The following TTLL11 variants were observed in gnomAD, a reference collection of about 807,000 sequenced individuals.
The protein encoded by TTLL11 is tubulin tyrosine ligase like 11, also known as tubulin polyglutamylase TTLL11.
A neutral mutation model predicts 51.7 loss-of-function variants in TTLL11; 42 were observed. The ratio of observed to expected loss-of-function variants is 0.81; its 90% CI spans 0.64 to 1.05. The LOEUF (loss-of-function observed/expected upper bound fraction) is 1.05, where lower values mean the gene tolerates loss of function less well. TTLL11 is among the 50% of genes least tolerant of loss of function. TTLL11 has a pLI of 0.00. For synonymous variants in TTLL11, 381 were observed against 383.5 expected, an observed-to-expected ratio of 0.99 and a Z score of 0.08; for missense variants, 799 against 940.4, an observed-to-expected ratio of 0.85 and a Z score of 1.97.
At chr9:121,902,969 CT>C (rs1419811245) in intron 6 of TTLL11, among the ~76,000 whole-genome samples, 1 of 152,144 alleles carries the variant, frequency 6.6e-6, no homozygotes, top group Non-Finnish European at 1.5e-5. Flanking sequence ...TCATCTACCC[CT>C]GGGACTCTTA....
intron 8 of TTLL11, among the ~76,000 whole-genome samples, chr9:121,840,478 C>T (rs893813568): frequency 6.6e-6 from 1 of 152,216 alleles, no homozygotes; most frequent in Admixed American, 6.5e-5. Context: ...TCACTGCAAC[C>T]TCTACCTACC....
chr9:122,060,611 A>C (rs1445799525), intron 1 of TTLL11, among the ~76,000 whole-genome samples: 2 of 152,194 alleles, frequency 1.3e-5, no homozygotes, highest in Admixed American at 1.3e-4. Flanking sequence ...AGAACACAGG[A>C]ATCAGATCTT....
chr9:121,997,844 C>CCGTCT (rs1284592224), intron 3 of TTLL11, among the ~76,000 whole-genome samples: 1 of 152,078 alleles, frequency 6.6e-6, no homozygotes, highest in African/African-American at 2.4e-5. Flanking sequence ...TGGCTGGGAC[C>CCGTCT]CGTCTCCTGA....
intron 1 of TTLL11, among the ~76,000 whole-genome samples, chr9:122,053,939 A>G (rs1406670935): frequency 6.6e-6 from 1 of 152,206 alleles, no homozygotes; most frequent in East Asian, 1.9e-4. Flanking sequence ...CCGGGAACAC[A>G]ATAATTACTC....
At chr9:122,087,245 T>C (rs1846149044) in intron 1 of TTLL11, among the ~76,000 whole-genome samples, 1 of 152,110 alleles carries the variant, frequency 6.6e-6, no homozygotes, top group Admixed American at 6.6e-5. Flanking sequence ...AGTCTCACTC[T>C]GTTATCCCAG....
chr9:121,881,450 T>A (rs1478143461), intron 6 of TTLL11, among the ~76,000 whole-genome samples: 3 of 152,212 alleles, frequency 2.0e-5, no homozygotes, highest in Non-Finnish European at 2.9e-5. Context: ...CGTAGGCATA[T>A]CCCAGGTCAG....
At chr9:121,919,869 A>G (rs1711713260) in intron 6 of TTLL11, among the ~76,000 whole-genome samples, 1 of 151,158 alleles carries the variant, frequency 6.6e-6, no homozygotes, top group African/African-American at 2.4e-5. Context: ...AAAAAAAAAA[A>G]AGGAAATATC....
chr9:121,835,462 AC>A (rs1466788308), intron 8 of TTLL11, among the ~76,000 whole-genome samples: 4 of 151,672 alleles, frequency 2.6e-5, no homozygotes, highest in Non-Finnish European at 5.9e-5. Context: ...GCCACCACCC[AC>A]CCCACCAGCT....
chr9:122,088,272 A>G (rs780304101), intron 1 of TTLL11, among the ~76,000 whole-genome samples: 11 of 151,818 alleles, frequency 7.2e-5, no homozygotes, highest in Admixed American at 1.3e-4. Flanking sequence ...TGTTGTTCCT[A>G]CTCTGTATGG....
intron 6 of TTLL11, among the ~76,000 whole-genome samples, chr9:121,917,509 G>GAAA (rs1451219229): frequency 0.046 from 3,166 of 68,392 alleles, 139 homozygotes; most frequent in African/African-American, 0.16. Flanking sequence ...AGAAAAGAAG[G>GAAA]AGAGAGAGAA....
At position 122,093,177 on chromosome 9, in the gene TTLL11, G is replaced by GGCA. The variant is rs1416863438; in HGVS notation, c.-30_-29insTGC. ...GCTCAGGGCCGGGGCCAGTGCCAGT[G>GGCA]CCACCGCCGCCGCCGCCGCCGCTCC... On this transcript the variant is annotated 5_prime_UTR_variant, in exon 1 of 9. Transcript: ENST00000321582. The GGCA allele has an allele frequency of 6.7e-6, 10 of 1,491,130 alleles. No homozygotes were observed. The highest frequency in any genetic ancestry group is 8.9e-6 in the Non-Finnish European group (10 of 1,128,806). 92.4% of individuals were successfully genotyped at this position (1,491,130 alleles called of 1,614,324 possible).
At chr9:121,874,917 T>C (rs115842391) in intron 6 of TTLL11, among the ~76,000 whole-genome samples, 3,559 of 152,240 alleles carry the variant, frequency 0.023, 125 homozygotes, top group African/African-American at 0.08. Flanking sequence ...CCACTATGTC[T>C]GGCTAATTTT....
chr9:121,960,647 C>T (rs1842191748), intron 6 of TTLL11, among the ~76,000 whole-genome samples: 1 of 152,218 alleles, frequency 6.6e-6, no homozygotes, highest in South Asian at 2.1e-4. Context: ...CCTCAGCACT[C>T]ATTCATGCAC....
At chr9:121,933,709 A>G (rs1194605265) in intron 6 of TTLL11, among the ~76,000 whole-genome samples, 1 of 150,726 alleles carries the variant, frequency 6.6e-6, no homozygotes, top group African/African-American at 2.5e-5. Flanking sequence ...AAAAAAAAGA[A>G]CATTACATTT....
rs974333556 is a variant in TTLL11, at chr9:121,974,965, G to A, written c.1284C>T (p.Asp428=). 10 of 1,541,018 alleles carry A rather than the reference G, an allele frequency of 6.5e-6. No individual in the cohort carries two copies. Among genetic ancestry groups the A allele is most frequent in the African/African-American group, 2.8e-5 (2 of 72,236 alleles). Residue 428 remains aspartate, a synonymous_variant, in exon 5 of 9, where the codon GAC becomes GAT. Coordinates refer to ENST00000321582, the MANE Select transcript of TTLL11 (RefSeq NM_001139442.2). ...GCTTCAGATTTTTCATTAGAAGAAT[G>A]TCAAAGCCTAAAATCTGGGCAGGAT... The part of the protein sequence containing the change: ...GPTCFQILGF[D]ILLMKNLKPI...
At position 122,033,080 on chromosome 9, in the gene TTLL11, T is replaced by A. The variant is rs117114782; in HGVS notation, c.560-1224A>T. 7.9e-4 allele frequency among the ~76,000 whole-genome samples: 120 copies of A among 152,012 alleles called. No individual in the cohort carries two copies. In the East Asian group the frequency reaches 0.021, roughly 27 times the overall value. On this transcript the variant is annotated intron_variant, in intron 2 of 8. Transcript: ENST00000321582. ...CCTCCCAAAGCCCTGGAATTACAGG[T>A]GTAAGCCGCCATGCCTGGCATCATC...
At chr9:121,881,013 TG>T (rs1838767779) in intron 6 of TTLL11, among the ~76,000 whole-genome samples, 1 of 152,220 alleles carries the variant, frequency 6.6e-6, no homozygotes, top group Non-Finnish European at 1.5e-5. Context: ...TCACAGTCCC[TG>T]GGAAAAGCCT....
chr9:121,887,815 T>C (rs908580292), intron 6 of TTLL11, among the ~76,000 whole-genome samples: 12 of 152,134 alleles, frequency 7.9e-5, no homozygotes, highest in African/African-American at 2.4e-4. Context: ...GAGTGGGATG[T>C]GAGCTCCTTC....
chr9:121,828,062 C>T (rs988081718), intron 8 of TTLL11, among the ~76,000 whole-genome samples: 3 of 152,156 alleles, frequency 2.0e-5, no homozygotes, highest in Non-Finnish European at 4.4e-5. Context: ...TGCCATAGAG[C>T]CCATGCATGG....
Sources: allele counts gnomAD v4.1 joint callset (sites outside exome capture counted in the v4.1 genomes callset), GRCh38; gene constraint gnomAD v4.1.1; transcripts MANE v1.5; gene names NCBI Gene and HGNC (gene_info 2026-07-23, HGNC 2026-07-21).